The following TMEM164 variants were observed in gnomAD, a reference collection of about 807,000 sequenced individuals.
TMEM164 encodes RP13-360B22.2.
A neutral mutation model predicts 18.8 loss-of-function variants in TMEM164; 4 were observed. That is an observed-to-expected ratio of 0.21 (90% CI 0.10 to 0.49). The LOEUF is 0.49. TMEM164 is among the 20% of genes least tolerant of loss of function. TMEM164 has a pLI of 0.98. For synonymous variants in TMEM164, 86 were observed against 101.7 expected, an observed-to-expected ratio of 0.85 and a Z score of 0.93; for missense variants, 108 against 239.9, an observed-to-expected ratio of 0.45 and a Z score of 3.63.
At chrX:110,042,308 G>C (rs1252200066) in intron 2 of TMEM164, among the ~76,000 whole-genome samples, 2 of 110,904 alleles carry the variant, frequency 1.8e-5, no homozygotes, top group Admixed American at 1.9e-4. Context: ...TTTATGTCTG[G>C]CTTGTTTTAC....
Position 110,003,696 on chromosome X carries a change from A to G in TMEM164, c.-79A>G. ...GGGGTGTGCCCGCCTTACATGGTCCACCACCCGGGCAACCCTCTGGGCTTG... is the reference window on the plus strand; with the variant it reads ...GGGGTGTGCCCGCCTTACATGGTCCGCCACCCGGGCAACCCTCTGGGCTTG... On this transcript the variant is annotated 5_prime_UTR_variant, in exon 2 of 7. Transcript: ENST00000372068. 1 of 1,101,544 alleles carries G rather than the reference A, an allele frequency of 9.1e-7. No homozygotes were observed. Among genetic ancestry groups the G allele is most frequent in the Non-Finnish European group, 1.2e-6 (1 of 831,846 alleles). 90.8% of individuals were successfully genotyped at this position (1,101,544 alleles called of 1,213,427 possible). A position where few individuals can be genotyped will look rare whatever the true frequency, so the allele number is the denominator to read the frequency against.
intron 4 of TMEM164, among the ~76,000 whole-genome samples, chrX:110,131,138 C>G (rs1420337388): frequency 2.7e-5 from 3 of 111,824 alleles, no homozygotes; most frequent in Non-Finnish European, 5.6e-5. Flanking sequence ...GGAAGCCTGC[C>G]TCACAAATGA....
intron 3 of TMEM164, among the ~76,000 whole-genome samples, chrX:110,088,289 G>C (rs1228625954): frequency 2.7e-5 from 3 of 111,541 alleles, no homozygotes; most frequent in African/African-American, 9.8e-5. Flanking sequence ...AGCTGCTCTG[G>C]AACCTGAGGG....
At chrX:110,004,808 G>A (rs963880829) in intron 2 of TMEM164, among the ~76,000 whole-genome samples, 2 of 111,312 alleles carry the variant, frequency 1.8e-5, no homozygotes, top group Non-Finnish European at 3.8e-5. Flanking sequence ...ATGGTGAGAG[G>A]GTATTTCTTT....
chrX:110,109,209 T>C, intron 4 of TMEM164, 63 bp downstream of exon 4: 3 of 1,074,690 alleles, frequency 2.8e-6, no homozygotes, highest in South Asian at 1.9e-5. Flanking sequence ...TATATGCCCA[T>C]GTGATTTTAA....
At chrX:110,036,467 T>A (rs1388836692) in intron 2 of TMEM164, among the ~76,000 whole-genome samples, 1 of 112,371 alleles carries the variant, frequency 8.9e-6, no homozygotes, top group Non-Finnish European at 1.9e-5. Context: ...CACTGGGTAA[T>A]GTTATCTTTG....
chrX:110,107,860 A>G, intron 3 of TMEM164, among the ~76,000 whole-genome samples: 1 of 109,749 alleles, frequency 9.1e-6, no homozygotes, highest in East Asian at 2.9e-4. Flanking sequence ...GGGTTTTGCC[A>G]TATTGTCTAG....
intron 3 of TMEM164, among the ~76,000 whole-genome samples, chrX:110,092,790 T>C: frequency 8.9e-6 from 1 of 112,029 alleles, no homozygotes. Context: ...CTTGTGCCAG[T>C]TTTCAAAGGG....
intron 5 of TMEM164, among the ~76,000 whole-genome samples, chrX:110,148,675 ATT>A (rs373500523): frequency 0.012 from 801 of 67,788 alleles, 5 homozygotes; most frequent in African/African-American, 0.046. Context: ...CACCCGGCTC[ATT>A]TTTTTTTTTT....
At chrX:110,054,952 C>T (rs971388656) in intron 2 of TMEM164, among the ~76,000 whole-genome samples, 1 of 111,680 alleles carries the variant, frequency 9.0e-6, no homozygotes, top group Non-Finnish European at 1.9e-5. Context: ...TAAACAGGGA[C>T]TGTTTTATAA....
chrX:110,070,901 C>T (rs1016625871), intron 3 of TMEM164, among the ~76,000 whole-genome samples: 54 of 111,225 alleles, frequency 4.9e-4, no homozygotes, highest in African/African-American at 1.8e-3. Flanking sequence ...GCTATCTTAC[C>T]GAATTCTCTT....
At chrX:110,085,811 C>T (rs1385103153) in intron 3 of TMEM164, among the ~76,000 whole-genome samples, 1 of 112,039 alleles carries the variant, frequency 8.9e-6, no homozygotes, top group Non-Finnish European at 1.9e-5. Flanking sequence ...ACTCCTAGCA[C>T]ACAGTGTGCC....
At chrX:110,133,192 CCAGGCTGGAGTGTAATGG>C (rs778001443) in intron 4 of TMEM164, among the ~76,000 whole-genome samples, 10 of 111,179 alleles carry the variant, frequency 9.0e-5, no homozygotes, top group Non-Finnish European at 1.7e-4. Flanking sequence ...GCTCTGTCAC[CCAGGCTGGAGTGTAATGG>C]CACGATCTTA....
intron 2 of TMEM164, chrX:110,046,058 G>C (rs1268219074): frequency 6.6e-6 from 5 of 754,091 alleles, no homozygotes; most frequent in Non-Finnish European, 7.8e-6. Context: ...CTTTACAATC[G>C]ACTTCTGGGT....
chrX:110,128,926 C>T (rs73250289), intron 4 of TMEM164, among the ~76,000 whole-genome samples: 1,309 of 110,777 alleles, frequency 0.012, 10 homozygotes, highest in East Asian at 0.033. Flanking sequence ...TGGCTTGTTT[C>T]CTTGTGTATT....
intron 2 of TMEM164, among the ~76,000 whole-genome samples, chrX:110,030,828 AAAAG>A (rs1263730354): frequency 9.1e-5 from 10 of 109,786 alleles, no homozygotes; most frequent in Non-Finnish European, 1.9e-4. Flanking sequence ...AAAAAAAAGA[AAAAG>A]AAAAAAGAAA....
At chrX:110,093,078 T>C (rs995199861) in intron 3 of TMEM164, among the ~76,000 whole-genome samples, 2 of 111,964 alleles carry the variant, frequency 1.8e-5, no homozygotes, top group Non-Finnish European at 3.8e-5. Flanking sequence ...TCGTGATGGA[T>C]AAGCTTTTTG....
chrX:110,048,240 T>C (rs5942620), intron 2 of TMEM164, among the ~76,000 whole-genome samples: 49,625 of 110,854 alleles, frequency 0.45, 9,742 homozygotes, highest in Non-Finnish European at 0.62. Context: ...AGCTATGCTC[T>C]TCCCTCTGCC....
At chrX:110,140,796 G>A (rs1222452097) in intron 4 of TMEM164, among the ~76,000 whole-genome samples, 1 of 112,360 alleles carries the variant, frequency 8.9e-6, no homozygotes, top group African/African-American at 3.2e-5. Context: ...AAAGAACCAG[G>A]CTATGTATAT....
Sources: allele counts gnomAD v4.1 joint callset (sites outside exome capture counted in the v4.1 genomes callset), GRCh38; gene constraint gnomAD v4.1.1; transcripts MANE v1.5; gene names NCBI Gene and HGNC (gene_info 2026-07-23, HGNC 2026-07-21).